The following ABLIM3 variants were observed in gnomAD, a reference collection of about 807,000 sequenced individuals.
ABLIM3 encodes actin-binding LIM protein 3.
ABLIM3 carries 61 observed loss-of-function variants against 109.5 expected under a neutral mutation model. That is an observed-to-expected ratio of 0.56 (90% CI 0.45 to 0.69). The LOEUF is 0.69. Among genes scored for constraint, ABLIM3 ranks in the 30% least tolerant of loss-of-function variants. ABLIM3 has a pLI of 0.00. For missense variants in ABLIM3, 796 were observed against 889.5 expected (o/e 0.89, Z 1.34); for synonymous variants, 300 against 324.8 (o/e 0.92, Z 0.82).
rs764209198 is a variant in ABLIM3 at position 149,198,375 on chromosome 5, C to A, written c.308C>A (p.Pro103His). ...VISALGRTYH[P>H]KCFVCSLCRK... ...TCGGCCCTGGGCCGCACTTACCACCCCAAGTGCTTCGTGTGCAGCTTGTGC... is the reference window on the plus strand; with the variant it reads ...TCGGCCCTGGGCCGCACTTACCACCACAAGTGCTTCGTGTGCAGCTTGTGC... The change falls in exon 4 of 24, where the codon CCC becomes CAC. Residue 103 changes from proline (P) to histidine (H), a missense_variant. Transcript: ENST00000309868. This position sits in a 1 kb window ranked among gnomAD's most constrained non-coding sequence, Gnocchi z 4.2. 2.9e-5 allele frequency: 47 copies of A among 1,612,598 alleles called. No homozygotes were observed. The highest frequency in any genetic ancestry group is 4.0e-5 in the Non-Finnish European group (47 of 1,179,282).
rs561171648 is a variant in ABLIM3, at chr5:149,215,583, AT to A, written c.670-1371del. 2.6e-3 allele frequency among the ~76,000 whole-genome samples: 399 copies of A among 152,294 alleles called. 2 individuals carry two copies. The highest frequency in any genetic ancestry group is 8.7e-3 in the African/African-American group (360 of 41,542). ...TAGGTCTTCTTATTATGCAATTATA[AT>A]TTTTGAATTGGAAGGAACCCATTAG... On this transcript the variant is annotated intron_variant, in intron 7 of 23. Coordinates refer to ENST00000309868, the MANE Select transcript of ABLIM3 (RefSeq NM_014945.5).
intron 5 of ABLIM3, among the ~76,000 whole-genome samples, chr5:149,206,591 C>G (rs1387189531): frequency 6.6e-6 from 1 of 152,156 alleles, no homozygotes; most frequent in Non-Finnish European, 1.5e-5. Flanking sequence ...TTTTACTCTG[C>G]ACGGAGGTCT....
chr5:149,239,309 T>C lies in ABLIM3; in HGVS notation c.1074+32T>C, dbSNP rs187814689. The C allele has an allele frequency of 1.3e-3, 2,063 of 1,610,320 alleles. 42 individuals carry two copies. The South Asian group carries it at 0.02, about 16-fold the overall frequency. ...CAGCTGATAGAGAATTAAGTTGATA[T>C]ATAATTGTGCCCCTTTATGTGGACT... On this transcript the variant is annotated intron_variant, in intron 12 of 23. Coordinates refer to ENST00000309868, the MANE Select transcript of ABLIM3 (RefSeq NM_014945.5).
chr5:149,142,626 A>G (rs772484732), intron 2 of ABLIM3, among the ~76,000 whole-genome samples: 2 of 152,156 alleles, frequency 1.3e-5, no homozygotes, highest in Non-Finnish European at 2.9e-5. Context: ...CCAGCTCCCG[A>G]GTGCCTGCAG....
chr5:149,198,498 G>C lies in ABLIM3; in HGVS notation c.335+96G>C. 2 of 1,406,224 alleles carry C rather than the reference G, an allele frequency of 1.4e-6. No individual in the cohort carries two copies. The highest frequency in any genetic ancestry group is 2.5e-5 in the East Asian group (1 of 40,204). 87.1% of individuals were successfully genotyped at this position (1,406,224 alleles called of 1,614,324 possible). A position where few individuals can be genotyped will look rare whatever the true frequency, so the allele number is the denominator to read the frequency against. On this transcript the variant is annotated intron_variant, in intron 4 of 23. Coordinates refer to ENST00000309868, the MANE Select transcript of ABLIM3 (RefSeq NM_014945.5). This position sits in a 1 kb window ranked among gnomAD's most constrained non-coding sequence, Gnocchi z 4.2. ...TCCAGGAAGTTCTGGGGTTTACAAGGTTTGTGCTGCACATTTAGATTTCTG... is the reference window on the plus strand; with the variant it reads ...TCCAGGAAGTTCTGGGGTTTACAAGCTTTGTGCTGCACATTTAGATTTCTG...
chr5:149,166,786 A>G (rs548849432), intron 2 of ABLIM3, among the ~76,000 whole-genome samples: 12 of 152,238 alleles, frequency 7.9e-5, no homozygotes, highest in Non-Finnish European at 1.6e-4. Context: ...CTTTGCAGTC[A>G]TGTGGTCTCT....
chr5:149,150,416 G>T (rs1171103580), intron 2 of ABLIM3, among the ~76,000 whole-genome samples: 1 of 152,190 alleles, frequency 6.6e-6, no homozygotes, highest in Non-Finnish European at 1.5e-5. Flanking sequence ...CTTCCCAAAT[G>T]AATGAAGCAG....
intron 23 of ABLIM3, among the ~76,000 whole-genome samples, chr5:149,256,705 T>A (rs1212192648): frequency 6.6e-6 from 1 of 152,260 alleles, no homozygotes; most frequent in Non-Finnish European, 1.5e-5. Flanking sequence ...TGACACAATG[T>A]CTAGGCTTTG....
At chr5:149,146,473 T>C (rs1046023422) in intron 2 of ABLIM3, among the ~76,000 whole-genome samples, 2 of 152,228 alleles carry the variant, frequency 1.3e-5, no homozygotes, top group African/African-American at 4.8e-5. Context: ...CTTTCATCCA[T>C]CTTGAGTTAA....
Position 149,183,596 on chromosome 5 carries a change from G to A in ABLIM3, c.151+7G>A, listed in dbSNP as rs1756666479. The A allele has an allele frequency of 1.3e-6, 2 of 1,527,954 alleles. No individual in the cohort carries two copies. The highest frequency in any genetic ancestry group is 2.1e-5 in the Admixed American group (1 of 48,328). The allele number at this position is 1,527,954 out of a possible 1,614,324, so 94.6% of individuals were successfully genotyped here. A position where few individuals can be genotyped will look rare whatever the true frequency, so the allele number is the denominator to read the frequency against. On this transcript the variant is annotated splice_region_variant and intron_variant, in intron 3 of 23. Transcript: ENST00000309868. ...AGATGCTTCACCTGTCAAGGTAGGA[G>A]GCTCAGCTCCCCCACTCTCTTCTTA...
At chr5:149,223,881 T>C (rs1335863230) in intron 8 of ABLIM3, among the ~76,000 whole-genome samples, 1 of 152,144 alleles carries the variant, frequency 6.6e-6, no homozygotes, top group Non-Finnish European at 1.5e-5. Flanking sequence ...AAGGCTGTTG[T>C]GAAGATTAAA....
chr5:149,156,459 T>C (rs1304745061), intron 2 of ABLIM3, among the ~76,000 whole-genome samples: 1 of 152,180 alleles, frequency 6.6e-6, no homozygotes, highest in Non-Finnish European at 1.5e-5. Flanking sequence ...ATGGAACACA[T>C]TTGAATGTAC....
Position 149,239,205 on chromosome 5 carries a change from T to C in ABLIM3, c.1045-43T>C, listed in dbSNP as rs770837187. ...CTTCGTCTCGTCCTCCTCTCATTCC[T>C]TCTGCTCGTTCCACAACTGCCTTCA... On this transcript the variant is annotated intron_variant, in intron 11 of 23. Transcript: ENST00000309868. The C allele has an allele frequency of 3.1e-6, 5 of 1,608,946 alleles. No homozygotes were observed. The East Asian group carries it at 6.7e-5, about 22-fold the overall frequency.
intron 2 of ABLIM3, among the ~76,000 whole-genome samples, chr5:149,158,226 G>T (rs996869283): frequency 5.3e-5 from 8 of 152,154 alleles, no homozygotes; most frequent in Admixed American, 2.6e-4. Flanking sequence ...TGTCTATGGG[G>T]TATAATGTAT....
intron 12 of ABLIM3, 82 bp downstream of exon 12, chr5:149,239,359 G>T (rs1009580840): frequency 7.4e-6 from 11 of 1,485,940 alleles, no homozygotes; most frequent in Admixed American, 5.0e-5. Flanking sequence ...CCCCCCGAAG[G>T]TGTCTGAGCC....
At chr5:149,191,821 G>A (rs77435606) in intron 3 of ABLIM3, among the ~76,000 whole-genome samples, 5,760 of 152,246 alleles carry the variant, frequency 0.038, 336 homozygotes, top group African/African-American at 0.13. Flanking sequence ...TAGAAAAGGT[G>A]CTAGATAAAA....
At chr5:149,233,188 G>C (rs760523106) in intron 9 of ABLIM3, 41 bp from the exon 10 acceptor site, 1 of 1,598,094 alleles carries the variant, frequency 6.3e-7, no homozygotes, top group East Asian at 2.2e-5. Context: ...CCAAGCTCAG[G>C]TTGCAGCTTC....
intron 19 of ABLIM3, 146 bp from the exon 20 acceptor site, chr5:149,250,301 G>T: frequency 1.4e-6 from 1 of 725,036 alleles, no homozygotes. Flanking sequence ...CAAATCTGGA[G>T]AGCATCAGGA....
intron 7 of ABLIM3, among the ~76,000 whole-genome samples, chr5:149,211,909 A>G (rs1252454210): frequency 1.3e-5 from 2 of 151,894 alleles, no homozygotes. Flanking sequence ...TTTTCTCAAC[A>G]CAAGCACTCA....
Sources: gnomAD v4.1 joint callset for allele counts (sites outside exome capture counted in the v4.1 genomes callset) on GRCh38, gnomAD v4.1.1 for gene constraint, Gnocchi (gnomAD v3.1) non-coding constraint, MANE v1.5 for transcripts, NCBI Gene and HGNC (gene_info 2026-07-23, HGNC 2026-07-21) for gene names.